TSPEAR: variants seen among roughly 807,000 people sequenced by gnomAD.
The protein encoded by TSPEAR is thrombospondin-type laminin G domain and EAR repeat-containing protein.
A neutral mutation model predicts 71.6 loss-of-function variants in TSPEAR; 69 were observed. The ratio of observed to expected loss-of-function variants is 0.96; its 90% CI spans 0.79 to 1.18. The LOEUF is 1.18. Among genes scored for constraint, TSPEAR ranks in the 50% most tolerant of loss-of-function variants. The pLI, the probability that TSPEAR is intolerant of heterozygous loss-of-function variation, is 0.00. For synonymous variants in TSPEAR, 402 were observed against 387.2 expected, an observed-to-expected ratio of 1.04 and a Z score of -0.45; for missense variants, 971 against 894.9, an observed-to-expected ratio of 1.09 and a Z score of -1.09.
Position 44,702,311 on chromosome 21 carries a change from C to T in TSPEAR, c.82+9122G>A, listed in dbSNP as rs555774573. 174 of 1,609,966 alleles carry T rather than the reference C, an allele frequency of 1.1e-4. No homozygotes were observed. In the Admixed American group the frequency reaches 1.3e-3, roughly 12 times the overall value. The stretch of plus-strand genomic sequence containing the variant: ...TGCTGCGCCGCCAGCTGCTGTGCCC[C>T]GGCCCCCTGCCTGACCCTGGTCTGC... On this transcript the variant is annotated intron_variant, in intron 1 of 11. Transcript: ENST00000323084.
At chr21:44,599,874 CGGA>C (rs1333117329) in intron 1 of TSPEAR, among the ~76,000 whole-genome samples, 1 of 152,110 alleles carries the variant, frequency 6.6e-6, no homozygotes, top group East Asian at 1.9e-4. Flanking sequence ...GTGCTTTTTG[CGGA>C]GGAGGTGTTC....
chr21:44,635,271 G>A (rs587758604), intron 1 of TSPEAR, among the ~76,000 whole-genome samples: 80 of 151,274 alleles, frequency 5.3e-4, no homozygotes, highest in African/African-American at 1.8e-3. Context: ...ACTTGTACCC[G>A]GGAGGTGGAG....
chr21:44,558,870 G>A (rs2053593485), intron 2 of TSPEAR: 2 of 965,800 alleles, frequency 2.1e-6, no homozygotes, highest in Admixed American at 5.7e-5. Flanking sequence ...GCTTCGAGAA[G>A]CCTTCCTCTT....
At position 44,585,844 on chromosome 21, in the gene TSPEAR, G is replaced by A. The variant is rs115630792; in HGVS notation, c.83-17839C>T. Among the ~76,000 whole-genome samples, 1,334 of 152,202 alleles carry A rather than the reference G, an allele frequency of 8.8e-3. 18 individuals carry two copies. Among genetic ancestry groups the A allele is most frequent in the African/African-American group, 0.03 (1,251 of 41,512 alleles). ...CTGTCATGCTGTGATTTCCTCATGC[G>A]TCTGAGGACCCTTAGTTGTTGTTCA... On this transcript the variant is annotated intron_variant, in intron 1 of 11. Coordinates refer to ENST00000323084, the MANE Select transcript of TSPEAR (RefSeq NM_144991.3).
intron 9 of TSPEAR, among the ~76,000 whole-genome samples, chr21:44,512,511 C>T (rs2052420597): frequency 6.6e-6 from 1 of 152,070 alleles, no homozygotes; most frequent in South Asian, 2.1e-4. Flanking sequence ...GGCACACGGG[C>T]TGCTGTGTGA....
At chr21:44,579,843 A>G (rs782147875) in intron 1 of TSPEAR, 1 of 1,596,098 alleles carries the variant, frequency 6.3e-7, no homozygotes, top group South Asian at 1.1e-5. Flanking sequence ...GCCTGGTAGG[A>G]GGAGGCAGGG....
At chr21:44,699,854 G>A (rs747966026) in intron 1 of TSPEAR, among the ~76,000 whole-genome samples, 5 of 152,142 alleles carry the variant, frequency 3.3e-5, no homozygotes, top group African/African-American at 9.7e-5. Flanking sequence ...CTGAGCTAGC[G>A]TCTTCCTCCA....
At position 44,681,675 on chromosome 21, in the gene TSPEAR, C is replaced by G. The variant is rs377757917; in HGVS notation, c.82+29758G>C. 30 of 1,026,192 alleles carry G rather than the reference C, an allele frequency of 2.9e-5. No homozygotes were observed. The African/African-American group carries it at 4.5e-4, about 15-fold the overall frequency. The allele number at this position is 1,026,192 out of a possible 1,614,324, so 63.6% of individuals were successfully genotyped here. On this transcript the variant is annotated intron_variant, in intron 1 of 11. Coordinates refer to ENST00000323084, the MANE Select transcript of TSPEAR (RefSeq NM_144991.3). The stretch of plus-strand genomic sequence containing the variant: ...GGGATAGGCAAGTTCAGCCAGGGCT[C>G]CAGATCATTCTATTATATTCTCGAT...
intron 1 of TSPEAR, among the ~76,000 whole-genome samples, chr21:44,654,958 C>T (rs1985053887): frequency 6.6e-6 from 1 of 152,180 alleles, no homozygotes; most frequent in African/African-American, 2.4e-5. Flanking sequence ...CCATCTGGAG[C>T]TCACACAAGC....
intron 1 of TSPEAR, among the ~76,000 whole-genome samples, chr21:44,614,457 C>T (rs973135738): frequency 2.6e-4 from 40 of 152,352 alleles, no homozygotes; most frequent in African/African-American, 8.4e-4. Context: ...GAAACCTCTG[C>T]CATTCGTGAG....
At chr21:44,683,105 G>C (rs1986689179) in intron 1 of TSPEAR, among the ~76,000 whole-genome samples, 1 of 152,030 alleles carries the variant, frequency 6.6e-6, no homozygotes, top group African/African-American at 2.4e-5. Flanking sequence ...ACTACAGTGA[G>C]ACCCGCCTAG....
intron 2 of TSPEAR, among the ~76,000 whole-genome samples, chr21:44,550,186 C>G (rs1366312810): frequency 2.0e-5 from 3 of 152,218 alleles, no homozygotes; most frequent in African/African-American, 7.2e-5. Flanking sequence ...GGGAGCCGGA[C>G]AGCAGAACGT....
rs9983820 is a variant in TSPEAR, at chr21:44,572,484, G to C, written c.83-4479C>G. ...GGTCAAGCCACACCTCACAAGCAAA[G>C]GCTGCTGAGTGCCCAGTGCTGGGCA... On this transcript the variant is annotated intron_variant, in intron 1 of 11. Coordinates refer to ENST00000323084, the MANE Select transcript of TSPEAR (RefSeq NM_144991.3). 2.1e-3 allele frequency among the ~76,000 whole-genome samples: 321 copies of C among 152,166 alleles called. 1 individual carries two copies. The highest frequency in any genetic ancestry group is 7.1e-3 in the African/African-American group (295 of 41,536).
At chr21:44,665,226 C>T (rs1412396210) in intron 1 of TSPEAR, among the ~76,000 whole-genome samples, 3 of 152,160 alleles carry the variant, frequency 2.0e-5, no homozygotes, top group African/African-American at 7.2e-5. Context: ...GTTTTTTAAC[C>T]CTAAACTCAA....
At position 44,698,114 on chromosome 21, in the gene TSPEAR, A is replaced by T. The variant is rs1035632749; in HGVS notation, c.82+13319T>A. The T allele has an allele frequency of 3.8e-6, 3 of 780,534 alleles. No homozygotes were observed. The Admixed American group carries it at 8.8e-5, about 23-fold the overall frequency. The allele number at this position is 780,534 out of a possible 1,614,324, so 48.4% of individuals were successfully genotyped here. A position where few individuals can be genotyped will look rare whatever the true frequency, so the allele number is the denominator to read the frequency against. On this transcript the variant is annotated intron_variant, in intron 1 of 11. Coordinates refer to ENST00000323084, the MANE Select transcript of TSPEAR (RefSeq NM_144991.3). ...CCCTAAGCCCTGGGGGCTCCTGCTA[A>T]GCTCCAGATGACCCTGCCTCCACCC... is the stretch of plus-strand genomic sequence containing the variant.
intron 1 of TSPEAR, chr21:44,574,734 G>C (rs782478612): frequency 5.6e-6 from 9 of 1,613,008 alleles, no homozygotes; most frequent in Non-Finnish European, 7.6e-6. Context: ...CTGCAAGCCT[G>C]TGAGCTGTGT....
At chr21:44,679,201 C>T (rs1986463909) in intron 1 of TSPEAR, among the ~76,000 whole-genome samples, 1 of 152,166 alleles carries the variant, frequency 6.6e-6, no homozygotes, top group Non-Finnish European at 1.5e-5. Context: ...TTCTGAGAAA[C>T]TGGATTTGTC....
Position 44,509,391 on chromosome 21 carries a change from G to A in TSPEAR, c.1567-5C>T, listed in dbSNP as rs1555912341. 1.9e-6 allele frequency: 3 copies of A among 1,609,230 alleles called. No homozygotes were observed. Among genetic ancestry groups the A allele is most frequent in the East Asian group, 2.2e-5 (1 of 44,662 alleles). On this transcript the variant is annotated splice_polypyrimidine_tract_variant and splice_region_variant and intron_variant, in intron 9 of 11. Coordinates refer to ENST00000323084, the MANE Select transcript of TSPEAR (RefSeq NM_144991.3). ...CCAGTCTGCAGCACCGAACGTCTAG[G>A]ACCAAAGGAGAGCAGGTGCAGAGGT...
chr21:44,518,350 G>A (rs1555913780), intron 9 of TSPEAR: 2 of 458,362 alleles, frequency 4.4e-6, no homozygotes, highest in Admixed American at 2.6e-5. Flanking sequence ...CTGGGGCACT[G>A]GGGCATCTTG....
Sources: gnomAD v4.1 joint callset for allele counts (sites outside exome capture counted in the v4.1 genomes callset) on GRCh38, gnomAD v4.1.1 for gene constraint, MANE v1.5 for transcripts, NCBI Gene and HGNC (gene_info 2026-07-23, HGNC 2026-07-21) for gene names.